The following ZNF250 variants were observed in gnomAD, a reference collection of about 807,000 sequenced individuals.
ZNF250 encodes zinc finger protein 250, also known as zinc finger protein (clone 647).
A neutral mutation model predicts 37.1 loss-of-function variants in ZNF250; 13 were observed. The ratio of observed to expected loss-of-function variants is 0.35; its 90% CI spans 0.23 to 0.56. The LOEUF is 0.56. ZNF250 is among the 20% of genes least tolerant of loss of function. The pLI is 0.87. For missense variants in ZNF250, 474 were observed against 697.9 expected, an observed-to-expected ratio of 0.68 and a Z score of 3.61; for synonymous variants, 251 against 265.6, an observed-to-expected ratio of 0.94 and a Z score of 0.54.
rs1365259269 is a variant in ZNF250 at position 144,878,972 on chromosome 8, A to T, written c.*2543T>A. On this transcript the variant is annotated 3_prime_UTR_variant, in exon 6 of 6. Transcript: ENST00000417550. ...TGATGAAACACCTCAGTGTACTCAG[A>T]TCCTCTGAAGTAACAAAAATTGTCT... 6.6e-6 allele frequency: 1 copy of T among 152,054 alleles called. No homozygotes were observed. Among genetic ancestry groups the T allele is most frequent in the Admixed American group, 6.5e-5 (1 of 15,278 alleles). 9.4% of individuals were successfully genotyped at this position (152,054 alleles called of 1,614,324 possible).
rs577685183 is a variant in ZNF250, at chr8:144,878,409, C to G, written c.*3106G>C. The G allele has an allele frequency of 3.5e-4, 53 of 152,346 alleles. No individual in the cohort carries two copies. Among genetic ancestry groups the G allele is most frequent in the African/African-American group, 1.3e-3 (52 of 41,576 alleles). The allele number at this position is 152,346 out of a possible 1,614,324, so 9.4% of individuals were successfully genotyped here. A position where few individuals can be genotyped will look rare whatever the true frequency, so the allele number is the denominator to read the frequency against. ...ACAACTCAGTTATTTCATCTCCTTT[C>G]TAAAGTTAACAGCTTAGTGATCTCA... On this transcript the variant is annotated 3_prime_UTR_variant, in exon 6 of 6. Coordinates refer to ENST00000417550, the MANE Select transcript of ZNF250 (RefSeq NM_001109689.4).
At chr8:144,887,689 C>T (rs1304760568) in intron 4 of ZNF250, among the ~76,000 whole-genome samples, 3 of 152,194 alleles carry the variant, frequency 2.0e-5, no homozygotes, top group Non-Finnish European at 4.4e-5. Flanking sequence ...GAGCCCAGGA[C>T]TGGTTTGGCA....
intron 1 of ZNF250, among the ~76,000 whole-genome samples, chr8:144,892,354 G>A (rs535209154): frequency 1.3e-5 from 2 of 152,334 alleles, no homozygotes; most frequent in African/African-American, 4.8e-5. Context: ...GGACTGCCTT[G>A]CCAGGAATCA....
intron 5 of ZNF250, among the ~76,000 whole-genome samples, chr8:144,884,835 G>A (rs1435157776): frequency 6.6e-6 from 1 of 151,940 alleles, no homozygotes; most frequent in Non-Finnish European, 1.5e-5. Context: ...TCACCCACAT[G>A]TTATATTGTC....
chr8:144,883,977 A>C (rs972791892), intron 5 of ZNF250, among the ~76,000 whole-genome samples: 1 of 152,038 alleles, frequency 6.6e-6, no homozygotes, highest in African/African-American at 2.4e-5. Context: ...CTTGGGGCTC[A>C]TATGATCCTC....
intron 5 of ZNF250, among the ~76,000 whole-genome samples, chr8:144,885,376 C>G (rs1230760391): frequency 6.6e-6 from 1 of 152,218 alleles, no homozygotes; most frequent in Non-Finnish European, 1.5e-5. Context: ...CTGCCTCGGC[C>G]TCCCAAAGTG....
chr8:144,893,456 G>A (rs1211917488), intron 1 of ZNF250, among the ~76,000 whole-genome samples: 1 of 152,112 alleles, frequency 6.6e-6, no homozygotes, highest in African/African-American at 2.4e-5. Flanking sequence ...TTAGCCTCCT[G>A]AGTAGCTGGG....
upstream of ZNF250, chr8:144,902,106 GC>G (rs1200575043): frequency 6.6e-6 from 1 of 152,410 alleles, no homozygotes. Flanking sequence ...GCTGTGTCCG[GC>G]CCGGCGTGCT....
chr8:144,878,840 A>G lies in ZNF250; in HGVS notation c.*2675T>C, dbSNP rs1030358069. 1 of 152,176 alleles carries G rather than the reference A, an allele frequency of 6.6e-6. No individual in the cohort carries two copies. The highest frequency in any genetic ancestry group is 1.5e-5 in the Non-Finnish European group (1 of 68,032). The allele number at this position is 152,176 out of a possible 1,614,324, so 9.4% of individuals were successfully genotyped here. A position where few individuals can be genotyped will look rare whatever the true frequency, so the allele number is the denominator to read the frequency against. On this transcript the variant is annotated 3_prime_UTR_variant, in exon 6 of 6. Coordinates refer to ENST00000417550, the MANE Select transcript of ZNF250 (RefSeq NM_001109689.4). ...ATACCTTAGTGATCCCATTTCCGTT[A>G]TTTCAGCTCCTCTGAAGTAAACCTC... is the stretch of plus-strand genomic sequence containing the variant.
chr8:144,892,274 C>G (rs1333413443), intron 1 of ZNF250, among the ~76,000 whole-genome samples: 2 of 152,150 alleles, frequency 1.3e-5, no homozygotes, highest in African/African-American at 4.8e-5. Context: ...ACTACAACTA[C>G]TTGAGAATTC....
Position 144,881,376 on chromosome 8 carries a change from C to T in ZNF250, c.*139G>A. Reference sequence around the variant, plus strand: ...CACAGGAACAGCACGCTAAGTGCTTCTTTCTGGAGTTATTTTGTGACACTG... The same window carrying T: ...CACAGGAACAGCACGCTAAGTGCTTTTTTCTGGAGTTATTTTGTGACACTG... On this transcript the variant is annotated 3_prime_UTR_variant, in exon 6 of 6. Transcript: ENST00000417550. 1 of 1,322,170 alleles carries T rather than the reference C, an allele frequency of 7.6e-7. No homozygotes were observed. Among genetic ancestry groups the T allele is most frequent in the Non-Finnish European group, 1.0e-6 (1 of 997,676 alleles). 81.9% of individuals were successfully genotyped at this position (1,322,170 alleles called of 1,614,324 possible).
chr8:144,892,980 C>G (rs369123489), intron 1 of ZNF250, among the ~76,000 whole-genome samples: 14 of 151,984 alleles, frequency 9.2e-5, no homozygotes, highest in East Asian at 3.9e-4. Flanking sequence ...CTGCCTCAGC[C>G]TCCCGAGTAG....
At chr8:144,893,307 T>C (rs1172025930) in intron 1 of ZNF250, among the ~76,000 whole-genome samples, 2 of 151,946 alleles carry the variant, frequency 1.3e-5, no homozygotes, top group Non-Finnish European at 2.9e-5. Flanking sequence ...ACCCTTTCCA[T>C]GGGTCACCCA....
intron 5 of ZNF250, among the ~76,000 whole-genome samples, chr8:144,883,342 C>CA (rs1343627567): frequency 1.4e-5 from 2 of 140,882 alleles, no homozygotes; most frequent in African/African-American, 2.6e-5. Flanking sequence ...AAAATAATTT[C>CA]TTTTTTTTTT....
intron 1 of ZNF250, among the ~76,000 whole-genome samples, chr8:144,896,646 C>T (rs543632427): frequency 3.3e-5 from 5 of 152,290 alleles, no homozygotes; most frequent in African/African-American, 1.2e-4. Context: ...AAGCTTTGCT[C>T]CATGAGAACA....
intron 5 of ZNF250, among the ~76,000 whole-genome samples, chr8:144,885,835 G>A (rs1042626462): frequency 1.3e-5 from 2 of 152,140 alleles, no homozygotes; most frequent in Non-Finnish European, 2.9e-5. Context: ...ACCCGGTGTG[G>A]TGGCTCATGT....
In ZNF250 at chr8:144,880,087, G is replaced by T; in HGVS notation, c.*1428C>A. The T allele has an allele frequency of 6.2e-6, 1 of 160,360 alleles. No individual in the cohort carries two copies. The highest frequency in any genetic ancestry group is 1.4e-5 in the Non-Finnish European group (1 of 73,184). The allele number at this position is 160,360 out of a possible 1,614,324, so 9.9% of individuals were successfully genotyped here. ...GTCTCAAAAAAAAAAAAAAAAGTAT[G>T]CTTAAAACAGAACAAATAATTCTGA... On this transcript the variant is annotated 3_prime_UTR_variant, in exon 6 of 6. Coordinates refer to ENST00000417550, the MANE Select transcript of ZNF250 (RefSeq NM_001109689.4).
intron 1 of ZNF250, among the ~76,000 whole-genome samples, chr8:144,895,946 TTGCAG>T (rs1832690012): frequency 1.3e-5 from 2 of 148,280 alleles, no homozygotes; most frequent in Non-Finnish European, 3.0e-5. Context: ...GAGACAGAGG[TTGCAG>T]TGAGCCAAGA....
intron 1 of ZNF250, among the ~76,000 whole-genome samples, chr8:144,894,742 C>T (rs1423015088): frequency 6.6e-6 from 1 of 152,114 alleles, no homozygotes; most frequent in East Asian, 1.9e-4. Context: ...AATGCAGCCT[C>T]CAACTCCTGG....
Sources: allele counts gnomAD v4.1 joint callset (sites outside exome capture counted in the v4.1 genomes callset), GRCh38; gene constraint gnomAD v4.1.1; transcripts MANE v1.5; gene names NCBI Gene and HGNC (gene_info 2026-07-23, HGNC 2026-07-21).